PIR: variants seen among roughly 807,000 people sequenced by gnomAD.
PIR encodes pirin (iron-binding nuclear protein).
A neutral mutation model predicts 24.2 loss-of-function variants in PIR; 22 were observed. The ratio of observed to expected loss-of-function variants is 0.91; its 90% CI spans 0.65 to 1.30. The LOEUF (loss-of-function observed/expected upper bound fraction) is 1.30. Among genes scored for constraint, PIR ranks in the 50% most tolerant of loss-of-function variants. The probability of loss-of-function intolerance (pLI) is 0.00; values close to 1 mark genes in which losing one functional copy is unlikely to be tolerated. For missense variants in PIR, 220 were observed against 220.3 expected (o/e 1.00, Z 0.01); for synonymous variants, 80 against 79.6 (o/e 1.00, Z -0.03).
chrX:15,432,664 C>T (rs1052657250), intron 5 of PIR, among the ~76,000 whole-genome samples: 2 of 111,767 alleles, frequency 1.8e-5, no homozygotes, highest in Admixed American at 9.5e-5. Flanking sequence ...CATAGTATGG[C>T]ATTTAGGATT....
chrX:15,389,188 T>C (rs904338911), intron 9 of PIR, among the ~76,000 whole-genome samples: 3 of 112,271 alleles, frequency 2.7e-5, no homozygotes, highest in Admixed American at 1.9e-4. Flanking sequence ...ACTCAGTTTG[T>C]CTGAAGGCTT....
In PIR at chrX:15,425,965, G is replaced by T; in HGVS notation, c.506C>A (p.Thr169Asn). Residue 169 changes from threonine (T) to asparagine (N), a missense_variant, in exon 6 of 10, where the codon ACC becomes AAC. Transcript: ENST00000380420. ...GTCCAATTTGAAGTCCAAATATAAG[G>T]TTGGTGTGCGAGTGTAAACCTTGGA... ...IKSKVYTRTP[T>N]LYLDFKLDPG... 2.5e-6 allele frequency: 3 copies of T among 1,191,792 alleles called. No homozygotes were observed. Among genetic ancestry groups the T allele is most frequent in the Non-Finnish European group, 3.4e-6 (3 of 877,521 alleles).
chrX:15,461,738 G>A (rs966481974), intron 3 of PIR, among the ~76,000 whole-genome samples: 1 of 111,702 alleles, frequency 9.0e-6, no homozygotes, highest in Non-Finnish European at 1.9e-5. Context: ...AGCCGAGATC[G>A]CACCATTGCA....
chrX:15,419,405 TA>T (rs201355951), intron 6 of PIR, among the ~76,000 whole-genome samples: 2,827 of 56,574 alleles, frequency 0.05, 97 homozygotes, highest in African/African-American at 0.15. Flanking sequence ...GAGAGAGAGA[TA>T]GGGGAGGGAG....
At chrX:15,449,953 T>G (rs1404236768) in intron 5 of PIR, among the ~76,000 whole-genome samples, 1 of 112,485 alleles carries the variant, frequency 8.9e-6, no homozygotes, top group African/African-American at 3.2e-5. Context: ...GTGGTTATGT[T>G]GCCAATATCT....
intron 5 of PIR, among the ~76,000 whole-genome samples, chrX:15,438,809 G>A (rs749417088): frequency 1.7e-3 from 191 of 111,178 alleles, no homozygotes; most frequent in African/African-American, 5.9e-3. Flanking sequence ...AGTGACCTAC[G>A]GAGGCTCTGG....
intron 5 of PIR, among the ~76,000 whole-genome samples, chrX:15,444,387 C>T (rs1454245833): frequency 2.7e-5 from 3 of 112,421 alleles, no homozygotes; most frequent in Non-Finnish European, 5.6e-5. Flanking sequence ...GCATACTTAA[C>T]AGACTACAAA....
intron 3 of PIR, among the ~76,000 whole-genome samples, chrX:15,473,570 A>G (rs1010185410): frequency 1.8e-5 from 2 of 110,071 alleles, no homozygotes; most frequent in Non-Finnish European, 3.8e-5. Context: ...TTATTTATCT[A>G]TTTTTGAGAC....
At chrX:15,406,990 C>T (rs1201739710) in intron 7 of PIR, among the ~76,000 whole-genome samples, 1 of 112,280 alleles carries the variant, frequency 8.9e-6, no homozygotes, top group Non-Finnish European at 1.9e-5. Context: ...TCACGTTCCT[C>T]ATCTATAAAA....
intron 6 of PIR, among the ~76,000 whole-genome samples, chrX:15,417,933 A>G (rs1323309526): frequency 2.7e-5 from 3 of 111,896 alleles, no homozygotes; most frequent in African/African-American, 9.7e-5. Flanking sequence ...TCACATCTGC[A>G]AAGTCGTTTT....
chrX:15,459,592 G>A (rs374745286), intron 4 of PIR, 65 bp downstream of exon 4: 1 of 610,321 alleles, frequency 1.6e-6, no homozygotes. Context: ...CTGGAAGTGG[G>A]CAGGATCAAG....
At chrX:15,398,453 A>G (rs1351491044) in intron 7 of PIR, among the ~76,000 whole-genome samples, 1 of 111,100 alleles carries the variant, frequency 9.0e-6, no homozygotes, top group African/African-American at 3.3e-5. Context: ...TGGAGGAGGT[A>G]AGACTTGAAC....
intron 5 of PIR, among the ~76,000 whole-genome samples, chrX:15,440,824 A>G (rs1602270524): frequency 9.0e-6 from 1 of 111,226 alleles, no homozygotes; most frequent in Non-Finnish European, 1.9e-5. Context: ...AACTTTACAC[A>G]AAGGAGAAAT....
chrX:15,455,887 C>T lies in PIR; in HGVS notation c.441G>A (p.Val147=), dbSNP rs747083403. 12 of 1,210,780 alleles carry T rather than the reference C, an allele frequency of 9.9e-6. No homozygotes were observed. Among genetic ancestry groups the T allele is most frequent in the Non-Finnish European group, 1.2e-5 (11 of 894,514 alleles). Residue 147 remains valine, a synonymous_variant, in exon 5 of 10, where the codon GTG becomes GTA. Transcript: ENST00000380420. ...CTTCTCCAGAAATGACAGCAACTGT[C>T]ACACCATCCTTACTGGGTTTAGGGA... ...EEIPKPSKDG[V]TVAVISGEAL...
At chrX:15,463,885 A>C (rs1921424897) in intron 3 of PIR, among the ~76,000 whole-genome samples, 3 of 112,656 alleles carry the variant, frequency 2.7e-5, no homozygotes, top group Non-Finnish European at 5.6e-5. Context: ...GAAGGATTTA[A>C]ATGCAAATAG....
intron 5 of PIR, among the ~76,000 whole-genome samples, chrX:15,431,472 C>G (rs1925502279): frequency 9.0e-6 from 1 of 111,276 alleles, no homozygotes; most frequent in Admixed American, 9.6e-5. Flanking sequence ...TTTTCCTAGT[C>G]TTGGTAATTT....
intron 6 of PIR, among the ~76,000 whole-genome samples, chrX:15,421,234 T>G (rs921004972): frequency 9.0e-6 from 1 of 111,616 alleles, no homozygotes; most frequent in Non-Finnish European, 1.9e-5. Flanking sequence ...TAATCTAAAA[T>G]TTTTCTGTAC....
intron 5 of PIR, among the ~76,000 whole-genome samples, chrX:15,448,671 A>G (rs1461360705): frequency 8.9e-6 from 1 of 111,900 alleles, no homozygotes; most frequent in Non-Finnish European, 1.9e-5. Flanking sequence ...CCATAACTCC[A>G]CAAGTATCTG....
intron 7 of PIR, 54 bp from the exon 8 acceptor site, chrX:15,397,585 T>C: frequency 2.4e-6 from 2 of 831,775 alleles, no homozygotes; most frequent in East Asian, 3.1e-5. Context: ...ATTTGTTATA[T>C]GGTTACTTAT....
Sources: allele counts gnomAD v4.1 joint callset (sites outside exome capture counted in the v4.1 genomes callset), GRCh38; gene constraint gnomAD v4.1.1; transcripts MANE v1.5; gene names NCBI Gene and HGNC (gene_info 2026-07-23, HGNC 2026-07-21).